ZNF730: variants seen among roughly 807,000 people sequenced by gnomAD.
The protein encoded by ZNF730 is zinc finger protein 730, also known as putative zinc finger protein 730.
In ZNF730, 12 loss-of-function variants were observed where a neutral mutation model predicts 12.6. The observed-to-expected ratio is 0.95, with a 90% CI of 0.61 to 1.54. The LOEUF is 1.54. Ranked by LOEUF, ZNF730 falls within the 40% of genes most tolerant of loss-of-function variation. The probability of loss-of-function intolerance (pLI) is 0.00; values close to 1 mark genes in which losing one functional copy is unlikely to be tolerated. For missense variants in ZNF730, 643 were observed against 583.5 expected (o/e 1.10, Z -1.05); for synonymous variants, 194 against 195.8 (o/e 0.99, Z 0.08).
At chr19:23,111,167 T>C (rs537207145) in intron 1 of ZNF730, among the ~76,000 whole-genome samples, 67 of 142,460 alleles carry the variant, frequency 4.7e-4, no homozygotes, top group African/African-American at 1.7e-3. Flanking sequence ...GTGGTGACTC[T>C]TCTAAATTAC....
At chr19:23,078,135 A>G (rs1335443572) in intron 1 of ZNF730, among the ~76,000 whole-genome samples, 1 of 152,138 alleles carries the variant, frequency 6.6e-6, no homozygotes, top group East Asian at 1.9e-4. Flanking sequence ...GAAAGACCTG[A>G]CCGTCCCCCA....
intron 1 of ZNF730, among the ~76,000 whole-genome samples, chr19:23,088,340 A>C (rs576948992): frequency 6.6e-6 from 1 of 151,972 alleles, no homozygotes; most frequent in African/African-American, 2.4e-5. Context: ...TTCAACGAGA[A>C]TGTTTCCAGT....
intron 1 of ZNF730, among the ~76,000 whole-genome samples, chr19:23,078,788 CTG>C (rs1299779198): frequency 6.6e-6 from 1 of 152,136 alleles, no homozygotes; most frequent in African/African-American, 2.4e-5. Context: ...ATTTTCCACT[CTG>C]TGCAATTTAA....
chr19:23,130,646 A>G (rs1467278333), intron 1 of ZNF730, among the ~76,000 whole-genome samples: 2 of 152,214 alleles, frequency 1.3e-5, no homozygotes, highest in Non-Finnish European at 2.9e-5. Context: ...TCATCTTTTA[A>G]TAAAATTATC....
intron 1 of ZNF730, among the ~76,000 whole-genome samples, chr19:23,106,520 G>T (rs1970394071): frequency 6.6e-6 from 1 of 152,112 alleles, no homozygotes; most frequent in Non-Finnish European, 1.5e-5. Flanking sequence ...GGCCAGGCAT[G>T]GTTGCTCATG....
upstream of ZNF730, among the ~76,000 whole-genome samples, chr19:23,112,820 C>G (rs1226527552): frequency 1.3e-5 from 2 of 151,832 alleles, no homozygotes; most frequent in Non-Finnish European, 2.9e-5. Context: ...GAATGTGTGT[C>G]CACTGCTCTT....
intron 1 of ZNF730, among the ~76,000 whole-genome samples, chr19:23,107,881 G>A (rs1318212679): frequency 6.6e-6 from 1 of 152,106 alleles, no homozygotes; most frequent in African/African-American, 2.4e-5. Flanking sequence ...CCTCAGTTTG[G>A]TTCATGGTAT....
intron 1 of ZNF730, among the ~76,000 whole-genome samples, chr19:23,085,230 A>C (rs369291231): frequency 6.6e-6 from 1 of 152,092 alleles, no homozygotes; most frequent in African/African-American, 2.4e-5. Flanking sequence ...GCTTTCTTTC[A>C]GATGATTTTG....
chr19:23,113,429 A>G (rs1392169023), upstream of ZNF730, among the ~76,000 whole-genome samples: 2 of 152,248 alleles, frequency 1.3e-5, no homozygotes, highest in African/African-American at 2.4e-5. Context: ...ACTCAAAGAC[A>G]TATGTAACTA....
intron 1 of ZNF730, chr19:23,124,190 G>C (rs1175800035): frequency 3.3e-5 from 5 of 152,204 alleles, no homozygotes; most frequent in Non-Finnish European, 7.3e-5. Context: ...GAAGTTGGTA[G>C]GCGTAAAGAG....
chr19:23,130,826 A>C (rs1465677943), intron 1 of ZNF730, among the ~76,000 whole-genome samples: 1 of 152,150 alleles, frequency 6.6e-6, no homozygotes, highest in African/African-American at 2.4e-5. Context: ...TACAGAACCA[A>C]ATTCTAGCTA....
chr19:23,122,267 A>G (rs1970608726), intron 1 of ZNF730, among the ~76,000 whole-genome samples: 1 of 150,500 alleles, frequency 6.6e-6, no homozygotes, highest in Non-Finnish European at 1.5e-5. Context: ...CAGCCATTCA[A>G]GTAGCTGGGA....
At chr19:23,114,884 C>A (rs1970499954), upstream of ZNF730, among the ~76,000 whole-genome samples, 1 of 152,114 alleles carries the variant, frequency 6.6e-6, no homozygotes, top group South Asian at 2.1e-4. Context: ...CTTCCATACT[C>A]AAGCCATCCT....
In ZNF730 at chr19:23,117,081, T is replaced by G. The variant is rs1841806; in HGVS notation, c.-93T>G. 4 of 1,599,222 alleles carry G rather than the reference T, an allele frequency of 2.5e-6. No homozygotes were observed. The African/African-American group carries it at 5.4e-5, about 21-fold the overall frequency. On this transcript the variant is annotated 5_prime_UTR_variant, in exon 1 of 4. Transcript: ENST00000597761. ...ATTTTCGTCTGTCTGCTTTGTGTCC[T>G]CTGCACGTAGAAGCCCAGCCTGTGT...
In ZNF730 at chr19:23,138,208, G is replaced by A. The variant is rs1363769104; in HGVS notation, c.226+2165G>A. On this transcript the variant is annotated intron_variant, in intron 3 of 3. Transcript: ENST00000597761. Reference sequence around the variant, plus strand: ...TGAGGCAGGAGAATGGCGTGAACCCGGGAGGCGGAGCTTGCAGTGAGCCGA... The same window carrying A: ...TGAGGCAGGAGAATGGCGTGAACCCAGGAGGCGGAGCTTGCAGTGAGCCGA... Among the ~76,000 whole-genome samples the A allele has an allele frequency of 3.4e-4, 7 of 20,330 alleles. 3 individuals are homozygous for A. The East Asian group carries it at 0.014, about 40-fold the overall frequency. 13.3% of individuals were successfully genotyped at this position (20,330 alleles called of 152,430 possible). A position where few individuals can be genotyped will look rare whatever the true frequency, so the allele number is the denominator to read the frequency against.
At chr19:23,092,409 A>G (rs1380668529) in intron 1 of ZNF730, among the ~76,000 whole-genome samples, 2 of 151,856 alleles carry the variant, frequency 1.3e-5, no homozygotes, top group Admixed American at 6.6e-5. Flanking sequence ...AGCCTGATGA[A>G]CATGGAGAAG....
intron 1 of ZNF730, among the ~76,000 whole-genome samples, chr19:23,091,800 A>G (rs1184481876): frequency 2.0e-5 from 3 of 152,178 alleles, no homozygotes; most frequent in African/African-American, 7.2e-5. Context: ...ACTCATAGGC[A>G]GAAGGGACTT....
At chr19:23,078,249 TTATAGTAGAA>T (rs1162221211) in intron 1 of ZNF730, among the ~76,000 whole-genome samples, 2 of 150,950 alleles carry the variant, frequency 1.3e-5, no homozygotes, top group Non-Finnish European at 3.0e-5. Context: ...GCATGTGTCT[TTATAGTAGAA>T]TATAGTAGAA....
rs991132829 is a variant in ZNF730 at position 23,108,816 on chromosome 19, C to T, written c.-93-25264C>T. Among the ~76,000 whole-genome samples, 3 of 152,036 alleles carry T rather than the reference C, an allele frequency of 2.0e-5. No homozygotes were observed. The East Asian group carries it at 5.8e-4, about 29-fold the overall frequency. On this transcript the variant is annotated intron_variant, in intron 1 of 2. Transcript: ENST00000593635. ...CCTGGCTGGAGCACGGTGGTGCGAT[C>T]TTGGCTCACTGCAACCTCTGCCTCC...
Sources: allele counts gnomAD v4.1 joint callset (sites outside exome capture counted in the v4.1 genomes callset), GRCh38; gene constraint gnomAD v4.1.1; transcripts MANE v1.5; gene names NCBI Gene and HGNC (gene_info 2026-07-23, HGNC 2026-07-21).